The following MYO16 variants were observed in gnomAD, a reference collection of about 807,000 sequenced individuals.
MYO16 encodes the protein myosin XVI.
MYO16 carries 94 observed loss-of-function variants against 205.3 expected under a neutral mutation model. The observed-to-expected ratio is 0.46, with a 90% CI of 0.39 to 0.54. The LOEUF (loss-of-function observed/expected upper bound fraction) is 0.54. Among genes scored for constraint, MYO16 ranks in the 20% least tolerant of loss-of-function variants. MYO16 has a pLI of 0.00. For missense variants in MYO16, 2,315 were observed against 2,387.5 expected (o/e 0.97, Z 0.63); for synonymous variants, 988 against 954.0 (o/e 1.04, Z -0.66).
At chr13:108,526,082 C>T in the MYO16 span, among the ~76,000 whole-genome samples, 1 of 152,034 alleles carries the variant, frequency 6.6e-6, no homozygotes, top group Admixed American at 6.6e-5. Context: ...GCAGCTGTTC[C>T]TGCCCTTTTA....
intron 32 of MYO16, among the ~76,000 whole-genome samples, chr13:109,160,484 CT>C (rs1426339997): frequency 6.6e-6 from 1 of 152,142 alleles, no homozygotes. Context: ...ACAGAGAAAT[CT>C]TGTTAATAGG....
chr13:109,122,462 T>G (rs1254110118), intron 29 of MYO16, among the ~76,000 whole-genome samples: 1 of 152,172 alleles, frequency 6.6e-6, no homozygotes, highest in African/African-American at 2.4e-5. Context: ...GCGGATCACC[T>G]GTGGTTAGGA....
chr13:109,052,615 A>G, intron 25 of MYO16, 140 bp downstream of exon 25: 2 of 664,202 alleles, frequency 3.0e-6, no homozygotes, highest in Non-Finnish European at 2.5e-6. Context: ...AAGAATGCCT[A>G]TCTGATGTAT....
At chr13:108,496,124 G>T in the MYO16 span, among the ~76,000 whole-genome samples, 61 of 152,290 alleles carry the variant, frequency 4.0e-4, 1 homozygote, top group Middle Eastern at 6.8e-3. Context: ...GGACGCGTCT[G>T]GGGGGCGTGG....
chr13:108,568,950 A>AT, the MYO16 span, among the ~76,000 whole-genome samples: 71 of 151,016 alleles, frequency 4.7e-4, 1 homozygote, highest in Admixed American at 1.7e-3. Context: ...TCCTAGTTAT[A>AT]TTTTTTTTCA....
chr13:108,645,098 T>C (rs192535259), intron 1 of MYO16, among the ~76,000 whole-genome samples: 5 of 152,272 alleles, frequency 3.3e-5, no homozygotes, highest in Admixed American at 3.3e-4. Context: ...ATGACAGGTC[T>C]CCTGAGTCTT....
At chr13:108,563,881 A>G in the MYO16 span, among the ~76,000 whole-genome samples, 3 of 152,166 alleles carry the variant, frequency 2.0e-5, no homozygotes, top group Admixed American at 2.0e-4. Context: ...GCTGAATCAT[A>G]TGGTAGTTCT....
chr13:109,082,151 C>T (rs1341229342), intron 27 of MYO16, among the ~76,000 whole-genome samples: 3 of 152,154 alleles, frequency 2.0e-5, no homozygotes, highest in Non-Finnish European at 4.4e-5. Flanking sequence ...TGATAATTCA[C>T]CATCGTCGTA....
At chr13:109,185,844 T>C (rs1879664917) in intron 34 of MYO16, among the ~76,000 whole-genome samples, 1 of 152,174 alleles carries the variant, frequency 6.6e-6, no homozygotes, top group Non-Finnish European at 1.5e-5. Flanking sequence ...CATATAATAT[T>C]CACAAGTAAT....
intron 4 of MYO16, among the ~76,000 whole-genome samples, chr13:108,735,911 T>G (rs1427955852): frequency 6.6e-6 from 1 of 152,230 alleles, no homozygotes; most frequent in Non-Finnish European, 1.5e-5. Flanking sequence ...GAGCATTTGT[T>G]CATGTGTCTG....
chr13:109,168,540 A>G (rs1233644911), intron 33 of MYO16, among the ~76,000 whole-genome samples: 3 of 152,168 alleles, frequency 2.0e-5, no homozygotes, highest in Non-Finnish European at 4.4e-5. Context: ...CCTGGCCAAC[A>G]TGGTGAAACC....
chr13:108,559,497 C>T, the MYO16 span, among the ~76,000 whole-genome samples: 7 of 102,208 alleles, frequency 6.8e-5, no homozygotes, highest in South Asian at 3.6e-4. Flanking sequence ...TTTTTTGAGA[C>T]GGAGTCTTGC....
At chr13:108,759,638 G>A (rs948342788) in intron 4 of MYO16, among the ~76,000 whole-genome samples, 11 of 151,932 alleles carry the variant, frequency 7.2e-5, no homozygotes, top group African/African-American at 1.2e-4. Context: ...TGGCTAACAC[G>A]GTGAAACCCC....
intron 34 of MYO16, among the ~76,000 whole-genome samples, chr13:109,196,258 A>G (rs974651339): frequency 1.3e-5 from 2 of 152,210 alleles, no homozygotes; most frequent in Non-Finnish European, 1.5e-5. Context: ...AGGTTTTCTC[A>G]ATAACAGAAT....
At chr13:108,623,080 T>A (rs1272280548) in intron 1 of MYO16, among the ~76,000 whole-genome samples, 2 of 152,072 alleles carry the variant, frequency 1.3e-5, no homozygotes, top group African/African-American at 4.8e-5. Flanking sequence ...GGGAGGTAAT[T>A]CTCCAAATTG....
At chr13:108,941,154 T>C (rs1439528466) in intron 16 of MYO16, among the ~76,000 whole-genome samples, 1 of 152,086 alleles carries the variant, frequency 6.6e-6, no homozygotes, top group East Asian at 1.9e-4. Flanking sequence ...ATGCCCCAGC[T>C]TCCCAGGGAG....
At chr13:108,549,024 A>G in the MYO16 span, among the ~76,000 whole-genome samples, 5 of 152,188 alleles carry the variant, frequency 3.3e-5, no homozygotes, top group Admixed American at 6.5e-5. Context: ...CACTGTGTTC[A>G]GATTGCACTG....
At chr13:109,076,994 C>CTTTTT (rs1555329682) in intron 27 of MYO16, among the ~76,000 whole-genome samples, 1 of 103,446 alleles carries the variant, frequency 9.7e-6, no homozygotes. Flanking sequence ...TTTGTTTACA[C>CTTTTT]TTTTTTTTTT....
intron 28 of MYO16, among the ~76,000 whole-genome samples, chr13:109,115,776 A>T (rs1875647848): frequency 6.6e-6 from 1 of 152,232 alleles, no homozygotes; most frequent in African/African-American, 2.4e-5. Flanking sequence ...ATGTGATCTT[A>T]TCTTTGTTTC....
Sources: allele counts gnomAD v4.1 joint callset (sites outside exome capture counted in the v4.1 genomes callset), GRCh38; gene constraint gnomAD v4.1.1; transcripts MANE v1.5; gene names NCBI Gene and HGNC (gene_info 2026-07-23, HGNC 2026-07-21).